SYNE1: variants seen among roughly 807,000 people sequenced by gnomAD.
SYNE1 encodes the protein nesprin-1.
In SYNE1, 616 loss-of-function variants were observed where a neutral mutation model predicts 1,111.0. The ratio of observed to expected loss-of-function variants is 0.55; its 90% CI spans 0.52 to 0.59. SYNE1 has a LOEUF of 0.59. Among genes scored for constraint, SYNE1 ranks in the 20% least tolerant of loss-of-function variants. The pLI is 0.00. For missense variants in SYNE1, 10,006 were observed against 10,417.0 expected (o/e 0.96, Z 1.72); for synonymous variants, 3,855 against 3,825.8 (o/e 1.01, Z -0.28).
chr6:152,445,588 G>A (rs2098578093), intron 29 of SYNE1, among the ~76,000 whole-genome samples: 1 of 151,882 alleles, frequency 6.6e-6, no homozygotes, highest in Non-Finnish European at 1.5e-5. Flanking sequence ...TTTCCAAGGA[G>A]AGCAATCTGT....
rs761939786 is a variant in SYNE1, at chr6:152,510,312, G to A, written c.462C>T (p.Ser154=). 5.1e-5 allele frequency: 82 copies of A among 1,613,922 alleles called. No homozygotes were observed. The highest frequency in any genetic ancestry group is 6.1e-5 in the Non-Finnish European group (72 of 1,179,990). Residue 154 remains serine, a synonymous_variant, in exon 8 of 146, where the codon TCC becomes TCT. Coordinates refer to ENST00000367255, the MANE Select transcript of SYNE1 (RefSeq NM_182961.4). ...QLQSLSSSAS[S]VDSIVSSETP... ...TCTCAGAGCTAACTATGCTGTCCAC[G>A]GAGGATGCGCTGCTGGACAAAGACT... is the stretch of plus-strand genomic sequence containing the variant.
chr6:152,498,697 G>T, intron 11 of SYNE1, 45 bp downstream of exon 11: 1 of 1,321,224 alleles, frequency 7.6e-7, no homozygotes, highest in African/African-American at 1.5e-5. Flanking sequence ...ACAGAATGCA[G>T]GATGTTTGAA....
intron 3 of SYNE1, among the ~76,000 whole-genome samples, chr6:152,618,439 G>A (rs75514691): frequency 0.073 from 11,101 of 152,102 alleles, 646 homozygotes; most frequent in East Asian, 0.17. Context: ...TTCTTCCCAA[G>A]TCAGTAAACA....
chr6:152,242,468 T>A, intron 106 of SYNE1, 28 bp from the exon 107 acceptor site: 3 of 1,611,990 alleles, frequency 1.9e-6, no homozygotes, highest in Non-Finnish European at 2.5e-6. Context: ...CAAGACTCAC[T>A]CTCAATTCAT....
chr6:152,163,453 C>A (rs1311826345), intron 131 of SYNE1, among the ~76,000 whole-genome samples: 1 of 147,620 alleles, frequency 6.8e-6, no homozygotes, highest in African/African-American at 2.5e-5. Context: ...GAGCTGAGAT[C>A]GCACTACTAC....
intron 40 of SYNE1, 91 bp downstream of exon 40, chr6:152,419,478 A>G: frequency 1.5e-6 from 2 of 1,309,378 alleles, no homozygotes; most frequent in Non-Finnish European, 2.1e-6. Context: ...CACCATTTAA[A>G]CTTTTTTAAA....
chr6:152,309,970 C>T lies in SYNE1; in HGVS notation c.17067G>A (p.Val5689=), dbSNP rs1200844043. The change falls in exon 90 of 146, where the codon GTG becomes GTA. Residue 5689 remains valine, a synonymous_variant. Transcript: ENST00000367255. ...MESLKPKVQA[V]QLCQSALRIP... is the part of the protein sequence containing the mutation. Reference sequence around the variant, plus strand: ...TCCGGAGGGCACTCTGGCAGAGCTGCACTGCTTGCACCTTCGGCTTCAGTG... The same window carrying T: ...TCCGGAGGGCACTCTGGCAGAGCTGTACTGCTTGCACCTTCGGCTTCAGTG... The T allele has an allele frequency of 1.2e-6, 2 of 1,614,146 alleles. No individual in the cohort carries two copies. Among genetic ancestry groups the T allele is most frequent in the Admixed American group, 3.3e-5 (2 of 60,024 alleles).
intron 105 of SYNE1, among the ~76,000 whole-genome samples, chr6:152,246,046 A>AGAG (rs1183107261): frequency 1.3e-5 from 2 of 152,160 alleles, no homozygotes; most frequent in African/African-American, 4.8e-5. Context: ...TCCAGAGATG[A>AGAG]GAGGGAAAAA....
intron 137 of SYNE1, chr6:152,143,968 G>A: frequency 1.4e-6 from 1 of 690,494 alleles, no homozygotes; most frequent in South Asian, 1.8e-5. Context: ...GCTTGACTGA[G>A]AGCCCTAGCA....
chr6:152,285,012 C>G (rs1562784416), intron 95 of SYNE1, among the ~76,000 whole-genome samples: 1 of 152,140 alleles, frequency 6.6e-6, no homozygotes, highest in Non-Finnish European at 1.5e-5. Context: ...ATTTCAAATG[C>G]TTTCTAATCC....
chr6:152,395,988 T>C (rs1292499660), intron 50 of SYNE1, among the ~76,000 whole-genome samples: 1 of 152,178 alleles, frequency 6.6e-6, no homozygotes, highest in African/African-American at 2.4e-5. Context: ...TGTGTCTTAC[T>C]ACGAAGACCC....
Position 152,402,898 on chromosome 6 carries a change from C to T in SYNE1, c.6825+1315G>A, listed in dbSNP as rs548987131. On this transcript the variant is annotated intron_variant, in intron 46 of 145. Transcript: ENST00000367255. ...CCATTGATATCCCCAACACAGGCGG[C>T]ATGCATAAGGACTCTTTATCTTTTT... is the stretch of plus-strand genomic sequence containing the variant. 4.7e-4 allele frequency among the ~76,000 whole-genome samples: 72 copies of T among 152,284 alleles called. No homozygotes were observed. The South Asian group carries it at 0.015, about 31-fold the overall frequency.
At chr6:152,575,047 A>C (rs1178591934) in intron 3 of SYNE1, among the ~76,000 whole-genome samples, 1 of 152,214 alleles carries the variant, frequency 6.6e-6, no homozygotes, top group African/African-American at 2.4e-5. Context: ...CCAAACATGA[A>C]ATGTAAGAAC....
chr6:152,484,894 C>T lies in SYNE1; in HGVS notation c.1126G>A (p.Gly376Ser), dbSNP rs757408388. 1.2e-5 allele frequency: 19 copies of T among 1,613,770 alleles called. No homozygotes were observed. The East Asian group carries it at 2.5e-4, about 21-fold the overall frequency. ...AATGCTTGGTCAAGTGACAATTTACCGTCTCTGTGTAATGGTTGTATTAAA... is the reference window on the plus strand; with the variant it reads ...AATGCTTGGTCAAGTGACAATTTACTGTCTCTGTGTAATGGTTGTATTAAA... Reference protein sequence around the residue: ...EHLIQPLHRDGKLSLDQALVK... With the variant: ...EHLIQPLHRDSKLSLDQALVK... The change falls in exon 13 of 146, where the codon GGT becomes AGT. Residue 376 changes from glycine to serine, a missense_variant. Physicochemically the swap from Gly to Ser is moderately conservative, Grantham distance 56 (BLOSUM62 0). Around this residue, in one of 7 missense-constraint regions of SYNE1, gnomAD observed 1,971 missense variants for 2,084.1 expected, o/e 0.95. Transcript: ENST00000367255.
rs990271944 is a variant in SYNE1 at position 152,500,142 on chromosome 6, T to C, written c.889-1350A>G. 2.6e-5 allele frequency among the ~76,000 whole-genome samples: 4 copies of C among 152,306 alleles called. No individual in the cohort carries two copies. The East Asian group carries it at 5.8e-4, about 22-fold the overall frequency. On this transcript the variant is annotated intron_variant, in intron 10 of 145. Coordinates refer to ENST00000367255, the MANE Select transcript of SYNE1 (RefSeq NM_182961.4). The stretch of plus-strand genomic sequence containing the variant: ...TAGATATAAATCCATCTGGGTAATA[T>C]AAGGACTTCACGTATAAAAACCAGA...
At chr6:152,321,107 G>A (rs1590007004) in intron 84 of SYNE1, 131 bp downstream of exon 84, 4 of 989,902 alleles carry the variant, frequency 4.0e-6, no homozygotes, top group African/African-American at 1.6e-5. Flanking sequence ...TAATATTATT[G>A]TTTTATAGCC....
chr6:152,440,363 A>T (rs901153164), intron 32 of SYNE1, among the ~76,000 whole-genome samples: 5 of 152,144 alleles, frequency 3.3e-5, no homozygotes, highest in Non-Finnish European at 7.3e-5. Context: ...GTAATGCTTT[A>T]GGTCTTCAAG....
chr6:152,486,024 G>A (rs777811333), intron 12 of SYNE1, among the ~76,000 whole-genome samples: 1 of 151,916 alleles, frequency 6.6e-6, no homozygotes, highest in South Asian at 2.1e-4. Context: ...GTGAAAGCCC[G>A]TCGCCATTAA....
At chr6:152,168,184 C>T (rs2064144782) in intron 130 of SYNE1, 2 of 772,554 alleles carry the variant, frequency 2.6e-6, no homozygotes, top group Non-Finnish European at 4.8e-6. Flanking sequence ...TCAGGGCACT[C>T]AGGTCCTCCG....
Sources: gnomAD v4.1 joint callset for allele counts (sites outside exome capture counted in the v4.1 genomes callset) on GRCh38, gnomAD v4.1.1 for gene constraint, gnomAD v4.1.1 regional missense constraint, MANE v1.5 for transcripts, NCBI Gene and HGNC (gene_info 2026-07-23, HGNC 2026-07-21) for gene names.